LRRC7: variants seen among roughly 807,000 people sequenced by gnomAD.
The protein encoded by LRRC7 is leucine-rich repeat-containing protein 7.
Under a neutral mutation model 175.7 loss-of-function variants are expected in LRRC7, and 23 were observed. That is an observed-to-expected ratio of 0.13 (90% CI 0.09 to 0.19). The LOEUF (loss-of-function observed/expected upper bound fraction) is 0.19, where lower values mean the gene tolerates loss of function less well. Ranked by LOEUF, LRRC7 falls within the 10% of genes least tolerant of loss-of-function variation. The pLI is 1.00. For synonymous variants in LRRC7, 685 were observed against 680.9 expected (o/e 1.01, Z -0.09); for missense variants, 1,354 against 1,904.7 (o/e 0.71, Z 5.38).
In LRRC7 at chr1:70,006,713, C is replaced by A. The variant is rs140196264; in HGVS notation, c.1005-5084C>A. On this transcript the variant is annotated intron_variant, in intron 11 of 26. Coordinates refer to ENST00000651989, the MANE Select transcript of LRRC7 (RefSeq NM_001370785.2). ...GCTCAGTCCCACAAAACTATCCCCC[C>A]TTTTCAGATGCCAATCACAAGTCCA... Among the ~76,000 whole-genome samples, 969 of 152,196 alleles carry A rather than the reference C, an allele frequency of 6.4e-3. 12 individuals are homozygous for A. Among genetic ancestry groups the A allele is most frequent in the African/African-American group, 0.022 (921 of 41,536 alleles).
At chr1:69,601,136 A>T (rs1313450703) in intron 1 of LRRC7, among the ~76,000 whole-genome samples, 1 of 152,138 alleles carries the variant, frequency 6.6e-6, no homozygotes, top group Non-Finnish European at 1.5e-5. Context: ...TTTATTAAAG[A>T]ATTGTATTAA....
intron 24 of LRRC7, among the ~76,000 whole-genome samples, chr1:70,077,179 C>T (rs1050161813): frequency 9.9e-5 from 15 of 152,046 alleles, no homozygotes; most frequent in African/African-American, 3.1e-4. Flanking sequence ...CCAGATTTTC[C>T]CTTTATATTG....
chr1:69,922,027 G>T (rs566527966), intron 7 of LRRC7, among the ~76,000 whole-genome samples: 2 of 152,132 alleles, frequency 1.3e-5, no homozygotes, highest in Non-Finnish European at 2.9e-5. Flanking sequence ...CCAGATTCAA[G>T]CAATTCTCCT....
chr1:69,901,134 G>A (rs916048872), intron 7 of LRRC7, among the ~76,000 whole-genome samples: 1 of 152,120 alleles, frequency 6.6e-6, no homozygotes, highest in South Asian at 2.1e-4. Context: ...GTTATGGATT[G>A]GAAGCAGCTG....
chr1:69,682,400 A>T (rs1282316668), intron 2 of LRRC7, among the ~76,000 whole-genome samples: 1 of 152,122 alleles, frequency 6.6e-6, no homozygotes, highest in African/African-American at 2.4e-5. Flanking sequence ...GAGTATGTTG[A>T]TGATCATGGG....
chr1:69,846,974 A>G (rs1011845620), intron 7 of LRRC7, among the ~76,000 whole-genome samples: 10 of 152,082 alleles, frequency 6.6e-5, no homozygotes, highest in Admixed American at 5.9e-4. Flanking sequence ...CACCAGCAGT[A>G]CTCTAGTGAA....
At chr1:69,602,797 A>G (rs960453970) in intron 1 of LRRC7, among the ~76,000 whole-genome samples, 1 of 152,210 alleles carries the variant, frequency 6.6e-6, no homozygotes, top group Non-Finnish European at 1.5e-5. Context: ...CTTATGGCAT[A>G]CACAGCAGTG....
chr1:69,694,254 C>G (rs141819974), intron 2 of LRRC7, among the ~76,000 whole-genome samples: 1 of 152,304 alleles, frequency 6.6e-6, no homozygotes, highest in Admixed American at 6.5e-5. Context: ...AATTTTATCA[C>G]TTTGAAACTC....
At chr1:69,627,522 G>A (rs1651794525) in intron 1 of LRRC7, among the ~76,000 whole-genome samples, 1 of 152,028 alleles carries the variant, frequency 6.6e-6, no homozygotes, top group Admixed American at 6.6e-5. Flanking sequence ...CATTCTGTAG[G>A]TTGCCTGTTC....
At chr1:69,624,956 C>T (rs1457443116) in intron 1 of LRRC7, among the ~76,000 whole-genome samples, 1 of 152,042 alleles carries the variant, frequency 6.6e-6, no homozygotes, top group Admixed American at 6.5e-5. Context: ...TTCTTCAATA[C>T]TGTCATAAAA....
chr1:70,051,461 G>A lies in LRRC7; in HGVS notation c.4111-1565G>A, dbSNP rs532224635. Among the ~76,000 whole-genome samples, 534 of 151,970 alleles carry A rather than the reference G, an allele frequency of 3.5e-3. 7 individuals carry two copies. The highest frequency in any genetic ancestry group is 0.012 in the African/African-American group (515 of 41,500). On this transcript the variant is annotated intron_variant, in intron 22 of 26. Coordinates refer to ENST00000651989, the MANE Select transcript of LRRC7 (RefSeq NM_001370785.2). ...TTAATATCTAGAAAAAATTGTGTAT[G>A]GGCATATGTAAACATATTAATCTGG...
At chr1:69,569,728 G>A (rs1645656790) in intron 1 of LRRC7, among the ~76,000 whole-genome samples, 1 of 151,766 alleles carries the variant, frequency 6.6e-6, no homozygotes, top group Non-Finnish European at 1.5e-5. Flanking sequence ...CCTCTACTCC[G>A]GCTCTTCTCT....
At chr1:70,052,591 A>C (rs1386259839) in intron 22 of LRRC7, among the ~76,000 whole-genome samples, 2 of 152,012 alleles carry the variant, frequency 1.3e-5, no homozygotes, top group Non-Finnish European at 2.9e-5. Flanking sequence ...AACCTTATAA[A>C]ATTTATTTTA....
In LRRC7 at chr1:70,023,251, C is replaced by A. The variant is rs148223563; in HGVS notation, c.1671C>A (p.Val557=). The change falls in exon 17 of 27, where the codon GTC becomes GTA. Residue 557 remains valine, a synonymous_variant. Coordinates refer to ENST00000651989, the MANE Select transcript of LRRC7 (RefSeq NM_001370785.2). ...ATCAGCAGATCCAAGATATGCCCGTCCCCCAGAATGACCCACAGCTGGCAT... is the reference window on the plus strand; with the variant it reads ...ATCAGCAGATCCAAGATATGCCCGTACCCCAGAATGACCCACAGCTGGCAT... ...RCDQQIQDMP[V]PQNDPQLAWG... 1 of 1,613,162 alleles carries A rather than the reference C, an allele frequency of 6.2e-7. No homozygotes were observed.
At chr1:69,854,214 A>G (rs1199863687) in intron 7 of LRRC7, among the ~76,000 whole-genome samples, 1 of 152,192 alleles carries the variant, frequency 6.6e-6, no homozygotes, top group African/African-American at 2.4e-5. Flanking sequence ...AAACAGGAAC[A>G]TGGAACCAAG....
chr1:69,710,646 T>TA (rs1274331867), intron 2 of LRRC7, among the ~76,000 whole-genome samples: 1 of 152,184 alleles, frequency 6.6e-6, no homozygotes, highest in Non-Finnish European at 1.5e-5. Flanking sequence ...GTAAAGTGGA[T>TA]AAAATGCTTG....
intron 8 of LRRC7, among the ~76,000 whole-genome samples, chr1:69,974,327 C>T (rs1390316949): frequency 6.6e-6 from 1 of 151,768 alleles, no homozygotes; most frequent in Non-Finnish European, 1.5e-5. Context: ...GTTGATTTTT[C>T]TATATTTTAG....
intron 2 of LRRC7, among the ~76,000 whole-genome samples, chr1:69,712,418 A>G (rs1434358014): frequency 6.6e-6 from 1 of 152,204 alleles, no homozygotes; most frequent in African/African-American, 2.4e-5. Flanking sequence ...AGCCTGGCCA[A>G]CATGGCGAAA....
chr1:70,033,928 A>G (rs1659038950), intron 18 of LRRC7, among the ~76,000 whole-genome samples: 1 of 152,170 alleles, frequency 6.6e-6, no homozygotes, highest in South Asian at 2.1e-4. Context: ...TTAAATTATT[A>G]TTTCAACAAA....
Sources: allele counts gnomAD v4.1 joint callset (sites outside exome capture counted in the v4.1 genomes callset), GRCh38; gene constraint gnomAD v4.1.1; transcripts MANE v1.5; gene names NCBI Gene and HGNC (gene_info 2026-07-23, HGNC 2026-07-21).